Variants in CACNA1A observed in about 807,000 individuals in gnomAD.
The protein encoded by CACNA1A is voltage-dependent P/Q-type calcium channel subunit alpha-1A.
CACNA1A carries 57 observed loss-of-function variants against 262.4 expected under a neutral mutation model. The ratio of observed to expected loss-of-function variants is 0.22; its 90% CI spans 0.18 to 0.27. The LOEUF is 0.27. CACNA1A is among the 10% of genes least tolerant of loss of function. The pLI is 1.00. For synonymous variants in CACNA1A, 1,431 were observed against 1,419.3 expected (o/e 1.01, Z -0.18); for missense variants, 2,526 against 3,562.8 (o/e 0.71, Z 7.41).
chr19:13,257,337 T>C lies in CACNA1A; in HGVS notation c.4590+13A>G, dbSNP rs1190654202. ...CCCAGTTTTTAAAGGACAGATGGAA[T>C]TGGAAGTGGCACCTCATTTTTCTCC... is the stretch of plus-strand genomic sequence containing the variant. On this transcript the variant is annotated intron_variant, in intron 28 of 46. Coordinates refer to ENST00000360228, the MANE Select transcript of CACNA1A (RefSeq NM_001127222.2). 13 of 1,609,306 alleles carry C rather than the reference T, an allele frequency of 8.1e-6. No individual in the cohort carries two copies. The highest frequency in any genetic ancestry group is 1.3e-5 in the African/African-American group (1 of 74,778).
chr19:13,439,311 T>G (rs897311500), intron 3 of CACNA1A, among the ~76,000 whole-genome samples: 2 of 150,776 alleles, frequency 1.3e-5, no homozygotes, highest in East Asian at 3.9e-4. Flanking sequence ...GGTTTCACCA[T>G]GTTAGCCAGG....
intron 1 of CACNA1A, among the ~76,000 whole-genome samples, chr19:13,483,090 C>A (rs1444461493): frequency 1.3e-5 from 2 of 152,038 alleles, no homozygotes; most frequent in African/African-American, 4.8e-5. Flanking sequence ...AATTCCAGTC[C>A]ACAGAATGCA....
intron 20 of CACNA1A, 138 bp downstream of exon 20, chr19:13,286,365 A>G: frequency 2.1e-6 from 1 of 472,392 alleles, no homozygotes; most frequent in Non-Finnish European, 3.7e-6. Context: ...GGGGTAGGAA[A>G]CTACGCCTAT....
chr19:13,236,165 G>A lies in CACNA1A; in HGVS notation c.4951-435C>T, dbSNP rs1004036381. Among the ~76,000 whole-genome samples the A allele has an allele frequency of 4.0e-5, 6 of 151,434 alleles. No individual in the cohort carries two copies. Among genetic ancestry groups the A allele is most frequent in the Admixed American group, 2.6e-4 (4 of 15,166 alleles). The stretch of plus-strand genomic sequence containing the variant: ...GCACTGAGACGAAAGGACACAAGCC[G>A]GTCAAGTTGCGGAATCTATCATACG... On this transcript the variant is annotated intron_variant, in intron 31 of 46. Coordinates refer to ENST00000360228, the MANE Select transcript of CACNA1A (RefSeq NM_001127222.2). The surrounding 1 kb of genome is among the most constrained non-coding windows in gnomAD (Gnocchi z 4.6).
chr19:13,475,127 T>TATGAATA (rs1438548680), intron 1 of CACNA1A, among the ~76,000 whole-genome samples: 1 of 152,162 alleles, frequency 6.6e-6, no homozygotes, highest in Non-Finnish European at 1.5e-5. Flanking sequence ...TATAGGAAAA[T>TATGAATA]ATGAATATCC....
chr19:13,423,008 C>T (rs926590094), intron 3 of CACNA1A, among the ~76,000 whole-genome samples: 5 of 152,326 alleles, frequency 3.3e-5, no homozygotes, highest in East Asian at 1.9e-4. Flanking sequence ...TTCTGGGTCC[C>T]GTGAGCCCTT....
intron 10 of CACNA1A, among the ~76,000 whole-genome samples, chr19:13,325,145 C>T (rs1349175627): frequency 6.8e-6 from 1 of 148,028 alleles, no homozygotes. Flanking sequence ...TCCTCCTCTT[C>T]TTCTTCTTCC....
intron 21 of CACNA1A, chr19:13,284,310 A>T (rs1384517282): frequency 6.6e-6 from 1 of 152,258 alleles, no homozygotes; most frequent in Non-Finnish European, 1.5e-5. Flanking sequence ...GTGTTTCCTT[A>T]GTAAAATCGA....
At position 13,506,107 on chromosome 19, in the gene CACNA1A, C is replaced by T. The variant is rs1240542236; in HGVS notation, c.118G>A (p.Gly40Arg). ...GRGAGGSRQG[G>R]QPGAQRMYKQ... ...TACATCCTTTGCGCCCCGGGCTGCC[C>T]GCCCTGCCGGCTGCCCCCGGCTCCT... The change falls in exon 1 of 47, where the codon GGG (glycine) becomes AGG (arginine). Residue 40 changes from glycine to arginine, a missense_variant. Physicochemically the swap from Gly to Arg is moderately radical, Grantham distance 125 (BLOSUM62 -2). This residue lies in a region of CACNA1A where 65 missense variants were observed against 75.6 expected (regional missense o/e 0.86). Transcript: ENST00000360228. 1 of 1,612,346 alleles carries T rather than the reference C, an allele frequency of 6.2e-7. No homozygotes were observed. The highest frequency in any genetic ancestry group is 1.1e-5 in the South Asian group (1 of 90,934).
chr19:13,452,831 TCCTTC>T, intron 3 of CACNA1A, 40 bp downstream of exon 3: 1 of 1,581,418 alleles, frequency 6.3e-7, no homozygotes, highest in Non-Finnish European at 8.6e-7. Flanking sequence ...AGCCTCGTAA[TCCTTC>T]AGCTAGTTAA....
chr19:13,254,420 T>A (rs1214764431), intron 29 of CACNA1A, among the ~76,000 whole-genome samples: 2 of 151,842 alleles, frequency 1.3e-5, no homozygotes, highest in Non-Finnish European at 2.9e-5. Context: ...TAGAGTGCAA[T>A]TGCGCTATCT....
intron 6 of CACNA1A, among the ~76,000 whole-genome samples, chr19:13,336,603 GA>G (rs1254217271): frequency 0.01 from 1,210 of 117,866 alleles, 21 homozygotes; most frequent in African/African-American, 0.039. Context: ...GGGAGAGAGA[GA>G]GAGAGAGAGA....
chr19:13,226,587 C>T (rs982152482), intron 37 of CACNA1A: 41 of 152,236 alleles, frequency 2.7e-4, no homozygotes, highest in African/African-American at 9.4e-4. Context: ...AGCATCTGTC[C>T]TTGGGCACCA....
intron 6 of CACNA1A, among the ~76,000 whole-genome samples, chr19:13,338,081 C>T (rs2058607876): frequency 6.6e-6 from 1 of 152,076 alleles, no homozygotes; most frequent in Non-Finnish European, 1.5e-5. Flanking sequence ...ATTAGCCGGG[C>T]CTGGTGACGG....
At chr19:13,315,654 G>C (rs2058112473) in intron 11 of CACNA1A, 1 of 152,294 alleles carries the variant, frequency 6.6e-6, no homozygotes, top group Admixed American at 6.5e-5. Flanking sequence ...CAGGGCCCTG[G>C]GAAGGAGAAC....
intron 19 of CACNA1A, among the ~76,000 whole-genome samples, chr19:13,288,353 C>T (rs969364457): frequency 2.6e-5 from 4 of 151,860 alleles, no homozygotes; most frequent in Non-Finnish European, 1.5e-5. Context: ...GATCCTCGTG[C>T]CTCAGCCTCC....
rs1480942297 is a variant in CACNA1A, at chr19:13,346,653, TATATATATATATA to T, written c.979-10757_979-10745del. 7.7e-3 allele frequency among the ~76,000 whole-genome samples: 47 copies of T among 6,098 alleles called. 2 individuals are homozygous for T. The highest frequency in any genetic ancestry group is 0.019 in the African/African-American group (28 of 1,446). 4.0% of individuals were successfully genotyped at this position (6,098 alleles called of 152,430 possible). ...ATATATATATATATATATATATATA[TATATATATATATA>T]TTTTTTTTTTTTTTTTTTTTTTTTT... On this transcript the variant is annotated intron_variant, in intron 6 of 46. Coordinates refer to ENST00000360228, the MANE Select transcript of CACNA1A (RefSeq NM_001127222.2).
Position 13,303,783 on chromosome 19 carries a change from C to T in CACNA1A, c.2088G>A (p.Leu696=), listed in dbSNP as rs908321451. 4 of 1,611,648 alleles carry T rather than the reference C, an allele frequency of 2.5e-6. No individual in the cohort carries two copies. The highest frequency in any genetic ancestry group is 3.4e-6 in the Non-Finnish European group (4 of 1,177,844). Residue 696 remains leucine, a synonymous_variant, in exon 16 of 47, where the codon CTG becomes CTA. Coordinates refer to ENST00000360228, the MANE Select transcript of CACNA1A (RefSeq NM_001127222.2). ...GAAGGATACAGTTCCCAAAGAGCGTCAGTACAATGAAATAGATGGAGAACA... is the reference window on the plus strand; with the variant it reads ...GAAGGATACAGTTCCCAAAGAGCGTTAGTACAATGAAATAGATGGAGAACA... ...GMVFSIYFIV[L]TLFGNYTLLN...
intron 5 of CACNA1A, 49 bp downstream of exon 5, chr19:13,365,268 G>A (rs1568574513): frequency 6.5e-7 from 1 of 1,538,026 alleles, no homozygotes; most frequent in African/African-American, 1.4e-5. Flanking sequence ...CCAAGAGCTT[G>A]TCCCTGAAGG....
Sources: allele counts gnomAD v4.1 joint callset (sites outside exome capture counted in the v4.1 genomes callset), GRCh38; gene constraint gnomAD v4.1.1; regional missense constraint gnomAD v4.1.1; non-coding constraint Gnocchi (gnomAD v3.1); transcripts MANE v1.5; gene names NCBI Gene and HGNC (gene_info 2026-07-23, HGNC 2026-07-21).